The following KANK1 variants were observed in gnomAD, a reference collection of about 807,000 sequenced individuals.
KANK1 encodes KN motif and ankyrin repeat domains 1.
In KANK1, 109 loss-of-function variants were observed where a neutral mutation model predicts 106.2. The ratio of observed to expected loss-of-function variants is 1.03; its 90% confidence interval spans 0.88 to 1.20. The LOEUF (loss-of-function observed/expected upper bound fraction) is 1.20. Ranked by LOEUF, KANK1 falls within the 50% of genes most tolerant of loss-of-function variation. KANK1 has a pLI of 0.00. For missense variants in KANK1, 2,399 were observed against 1,710.7 expected, an observed-to-expected ratio of 1.40 and a Z score of -7.10; for synonymous variants, 873 against 652.2, an observed-to-expected ratio of 1.34 and a Z score of -5.16.
chr9:612,911 C>A (rs948938206), intron 1 of KANK1, among the ~76,000 whole-genome samples: 1 of 152,178 alleles, frequency 6.6e-6, no homozygotes, highest in East Asian at 1.9e-4. Context: ...ATTTGCCATA[C>A]ATATGCCTAT....
At chr9:652,237 TG>T (rs1421879277) in intron 1 of KANK1, among the ~76,000 whole-genome samples, 1 of 152,164 alleles carries the variant, frequency 6.6e-6, no homozygotes, top group African/African-American at 2.4e-5. Flanking sequence ...GTTTGCAGTG[TG>T]GGCCAGGTGC....
rs1376363021 is a variant in KANK1 at position 662,132 on chromosome 9, C to G, written c.-83-14758C>G. Reference sequence around the variant, plus strand: ...TCCAACTTACAAGGGATGTGAAGGACCTCTTCAAGGAGAAGTACAAACCAC... The same window carrying G: ...TCCAACTTACAAGGGATGTGAAGGAGCTCTTCAAGGAGAAGTACAAACCAC... On this transcript the variant is annotated intron_variant, in intron 1 of 11. Coordinates refer to ENST00000382297, the MANE Select transcript of KANK1 (RefSeq NM_015158.5). Among the ~76,000 whole-genome samples the G allele has an allele frequency of 2.6e-5, 4 of 152,048 alleles. No homozygotes were observed. The East Asian group carries it at 7.7e-4, about 29-fold the overall frequency.
At chr9:610,047 A>G (rs572593152) in intron 1 of KANK1, among the ~76,000 whole-genome samples, 3 of 152,196 alleles carry the variant, frequency 2.0e-5, no homozygotes, top group Non-Finnish European at 2.9e-5. Flanking sequence ...ATTAATGTAC[A>G]ATAATTTATA....
intron 8 of KANK1, among the ~76,000 whole-genome samples, chr9:740,503 C>G (rs952843256): frequency 6.6e-6 from 1 of 152,228 alleles, no homozygotes; most frequent in African/African-American, 2.4e-5. Flanking sequence ...GTAGAACAAC[C>G]ACCCTGACTT....
chr9:689,026 A>G (rs1414764740), intron 2 of KANK1, among the ~76,000 whole-genome samples: 1 of 152,164 alleles, frequency 6.6e-6, no homozygotes, highest in African/African-American at 2.4e-5. Context: ...CAGCCTTCAT[A>G]GAGTCTTTGT....
At chr9:545,443 G>C (rs998335255) in intron 1 of KANK1, among the ~76,000 whole-genome samples, 1 of 152,180 alleles carries the variant, frequency 6.6e-6, no homozygotes, top group Non-Finnish European at 1.5e-5. Flanking sequence ...TAACTGCAGC[G>C]GATGAGGTGA....
intron 1 of KANK1, among the ~76,000 whole-genome samples, chr9:519,777 C>T (rs1268033546): frequency 6.6e-6 from 1 of 151,698 alleles, no homozygotes; most frequent in Non-Finnish European, 1.5e-5. Flanking sequence ...GTCTTTGAAC[C>T]TACTATTGTT....
rs551710375 is a variant in KANK1, at chr9:731,216, A to G, written c.2955A>G (p.Lys985=). 3 of 1,612,474 alleles carry G rather than the reference A, an allele frequency of 1.9e-6. No homozygotes were observed. Among genetic ancestry groups the G allele is most frequent in the Middle Eastern group, 1.6e-4 (1 of 6,062 alleles). Residue 985 remains lysine, a synonymous_variant, in exon 5 of 12, where the codon AAA becomes AAG. Coordinates refer to ENST00000382297, the MANE Select transcript of KANK1 (RefSeq NM_015158.5). ...TCATGAAGAAGAAAGATGGTAACAA[A>G]GATTCAAATGGCGCAAAAAAGAATC... The part of the protein sequence containing the change: ...KSIMKKKDGN[K]DSNGAKKNLQ...
intron 1 of KANK1, among the ~76,000 whole-genome samples, chr9:672,568 A>T (rs1047755336): frequency 2.0e-4 from 31 of 152,234 alleles, no homozygotes; most frequent in Non-Finnish European, 3.8e-4. Context: ...CATCAGCATT[A>T]TCTTGTTTCT....
chr9:646,440 C>T (rs1305701993), intron 1 of KANK1, among the ~76,000 whole-genome samples: 1 of 150,896 alleles, frequency 6.6e-6, no homozygotes, highest in Non-Finnish European at 1.5e-5. Flanking sequence ...CTAAGCTTTC[C>T]CAATGGTACA....
chr9:573,425 A>G (rs1209369842), intron 1 of KANK1, among the ~76,000 whole-genome samples: 5 of 152,092 alleles, frequency 3.3e-5, no homozygotes, highest in Admixed American at 2.0e-4. Flanking sequence ...GCCCGCCACC[A>G]CGCGTGGCTA....
chr9:489,629 G>A (rs2132280836), intron 3 of KANK1, among the ~76,000 whole-genome samples: 1 of 152,156 alleles, frequency 6.6e-6, no homozygotes, highest in Middle Eastern at 3.4e-3. Context: ...AACTTCACTG[G>A]GCTCCACAAC....
At chr9:556,920 C>G (rs530610090) in intron 1 of KANK1, among the ~76,000 whole-genome samples, 1 of 152,124 alleles carries the variant, frequency 6.6e-6, no homozygotes, top group Non-Finnish European at 1.5e-5. Context: ...CCTGTTTGAA[C>G]AAACCAGCTT....
chr9:602,204 A>G (rs7858166), intron 1 of KANK1, among the ~76,000 whole-genome samples: 11,114 of 151,918 alleles, frequency 0.073, 722 homozygotes, highest in African/African-American at 0.14. Flanking sequence ...CATTCCTTCA[A>G]TAACTATTCC....
At chr9:500,338 T>C (rs1564126847), upstream of KANK1, among the ~76,000 whole-genome samples, 1 of 152,172 alleles carries the variant, frequency 6.6e-6, no homozygotes, top group Non-Finnish European at 1.5e-5. Context: ...CCATAGATAA[T>C]AGGAATTTCA....
intron 1 of KANK1, among the ~76,000 whole-genome samples, chr9:636,085 C>T (rs1837068206): frequency 6.6e-6 from 1 of 152,112 alleles, no homozygotes; most frequent in Non-Finnish European, 1.5e-5. Flanking sequence ...AATGGTTGTA[C>T]ATCAGAATTA....
intron 1 of KANK1, among the ~76,000 whole-genome samples, chr9:582,291 TTTGTTG>T (rs1206065841): frequency 1.3e-5 from 2 of 152,154 alleles, no homozygotes; most frequent in Non-Finnish European, 2.9e-5. Flanking sequence ...GAGGCATTTC[TTTGTTG>T]TTGTTGTTGT....
chr9:577,596 C>T (rs1820925514), intron 1 of KANK1, among the ~76,000 whole-genome samples: 4 of 152,172 alleles, frequency 2.6e-5, no homozygotes. Context: ...ATAGCTTGTG[C>T]CCACCCTTCA....
chr9:742,451 C>G (rs754399598), intron 10 of KANK1, 46 bp downstream of exon 10: 4 of 1,495,752 alleles, frequency 2.7e-6, no homozygotes, highest in Admixed American at 1.8e-5. Context: ...CTGGGGGACT[C>G]TGGACGGGAG....
Sources: gnomAD v4.1 joint callset for allele counts (sites outside exome capture counted in the v4.1 genomes callset) on GRCh38, gnomAD v4.1.1 for gene constraint, MANE v1.5 for transcripts, NCBI Gene and HGNC (gene_info 2026-07-23, HGNC 2026-07-21) for gene names.